Variants in TMPRSS7 observed in about 807,000 individuals in gnomAD.
TMPRSS7 encodes the protein transmembrane serine protease 7, also known as transmembrane protease serine 7.
Under a neutral mutation model 95.6 loss-of-function variants are expected in TMPRSS7, and 81 were observed. The observed-to-expected ratio is 0.85, with a 90% CI of 0.71 to 1.02. The LOEUF (loss-of-function observed/expected upper bound fraction) is 1.02. Among genes scored for constraint, TMPRSS7 ranks in the 50% least tolerant of loss-of-function variants. The pLI is 0.00. For missense variants in TMPRSS7, 945 were observed against 955.2 expected, an observed-to-expected ratio of 0.99 and a Z score of 0.14; for synonymous variants, 364 against 337.8, an observed-to-expected ratio of 1.08 and a Z score of -0.85.
At chr3:112,049,675 A>G (rs1420784588) in intron 7 of TMPRSS7, among the ~76,000 whole-genome samples, 169 bp from the exon 8 acceptor site, 1 of 152,204 alleles carries the variant, frequency 6.6e-6, no homozygotes, top group African/African-American at 2.4e-5. Flanking sequence ...CTGGCTCTGT[A>G]GTGCTCTGTG....
intron 16 of TMPRSS7, among the ~76,000 whole-genome samples, chr3:112,078,348 TG>T (rs1002645058): frequency 3.9e-4 from 59 of 152,226 alleles, no homozygotes; most frequent in Admixed American, 1.3e-3. Context: ...TAGGTTTTTA[TG>T]GTTCATCAGA....
intron 4 of TMPRSS7, among the ~76,000 whole-genome samples, 156 bp downstream of exon 4, chr3:112,044,478 C>T (rs1036217021): frequency 2.0e-5 from 3 of 152,168 alleles, no homozygotes; most frequent in African/African-American, 4.8e-5. Context: ...CAACTCACTG[C>T]CCTTCTTTCT....
At chr3:112,070,850 C>A (rs1576120053) in intron 13 of TMPRSS7, among the ~76,000 whole-genome samples, 2 of 152,194 alleles carry the variant, frequency 1.3e-5, no homozygotes, top group East Asian at 3.8e-4. Context: ...CATATGTATA[C>A]ATGTGCCATG....
intron 2 of TMPRSS7, among the ~76,000 whole-genome samples, chr3:112,040,887 A>G (rs2073199721): frequency 6.6e-6 from 1 of 152,188 alleles, no homozygotes; most frequent in Non-Finnish European, 1.5e-5. Flanking sequence ...GTAAACAGGG[A>G]GACTACGGAG....
intron 3 of TMPRSS7, among the ~76,000 whole-genome samples, chr3:112,042,634 C>T (rs1007241598): frequency 1.3e-5 from 2 of 152,164 alleles, no homozygotes; most frequent in Admixed American, 6.5e-5. Flanking sequence ...AACATTTTCT[C>T]TTAGCATGCT....
chr3:112,078,831 C>G, exon 17 of TMPRSS7: 1 of 1,614,124 alleles, frequency 6.2e-7, no homozygotes, highest in Non-Finnish European at 8.5e-7. Flanking sequence ...CATCACTTCT[C>G]GGATGCTCTG....
At chr3:112,054,786 G>A (rs903372879) in intron 9 of TMPRSS7, among the ~76,000 whole-genome samples, 2 of 112,108 alleles carry the variant, frequency 1.8e-5, no homozygotes, top group Admixed American at 1.4e-4. Flanking sequence ...TGTCGCCCAC[G>A]CTGGAGTGCA....
At chr3:112,076,747 C>A in intron 15 of TMPRSS7, 129 bp from the exon 16 acceptor site, 1 of 1,108,164 alleles carries the variant, frequency 9.0e-7, no homozygotes, top group Non-Finnish European at 1.3e-6. Context: ...CGGACAAAGC[C>A]AGTGACTATA....
intron 13 of TMPRSS7, among the ~76,000 whole-genome samples, chr3:112,068,571 A>G (rs2073604644): frequency 6.6e-6 from 1 of 152,004 alleles, no homozygotes; most frequent in South Asian, 2.1e-4. Flanking sequence ...TAGGTATTTT[A>G]TTCTCTTTGT....
Position 112,038,242 on chromosome 3 carries a change from A to G in TMPRSS7, c.219A>G (p.Val73=), listed in dbSNP as rs982308477. The G allele has an allele frequency of 5.1e-5, 36 of 702,868 alleles. 1 individual carries two copies. In the East Asian group the frequency reaches 9.1e-4, roughly 18 times the overall value. 43.5% of individuals were successfully genotyped at this position (702,868 alleles called of 1,614,324 possible). A position where few individuals can be genotyped will look rare whatever the true frequency, so the allele number is the denominator to read the frequency against. The change falls in exon 2 of 18, where the codon GTA becomes GTG. Residue 73 remains valine, a synonymous_variant. Transcript: ENST00000452346. ...AGAAAAAAGTTCCCTTTTGGAATGTACAAAATAAAATCATTCTCTTCACAG... is the reference window on the plus strand; with the variant it reads ...AGAAAAAAGTTCCCTTTTGGAATGTGCAAAATAAAATCATTCTCTTCACAG...
chr3:112,054,871 G>C (rs976709885), intron 9 of TMPRSS7, among the ~76,000 whole-genome samples: 13 of 150,618 alleles, frequency 8.6e-5, no homozygotes, highest in African/African-American at 2.4e-4. Flanking sequence ...TCCCGAGTAG[G>C]TGGGACTACA....
At chr3:112,068,879 G>A (rs1421029621) in intron 13 of TMPRSS7, among the ~76,000 whole-genome samples, 1 of 152,198 alleles carries the variant, frequency 6.6e-6, no homozygotes, top group Non-Finnish European at 1.5e-5. Context: ...AGTGGTGAGA[G>A]GGCACATCTT....
chr3:112,071,909 C>T (rs748918084), intron 13 of TMPRSS7, among the ~76,000 whole-genome samples: 9 of 152,070 alleles, frequency 5.9e-5, no homozygotes, highest in South Asian at 4.1e-4. Context: ...TTTAGCTCAG[C>T]GAAGTTTGTT....
chr3:112,077,237 A>G (rs928652247), intron 16 of TMPRSS7, 93 bp downstream of exon 16: 34 of 1,421,062 alleles, frequency 2.4e-5, no homozygotes, highest in Non-Finnish European at 3.0e-5. Flanking sequence ...GGGTTTGTGT[A>G]TATGATCTCC....
intron 10 of TMPRSS7, among the ~76,000 whole-genome samples, chr3:112,059,783 A>C (rs1443438799): frequency 2.6e-5 from 4 of 152,266 alleles, no homozygotes; most frequent in South Asian, 4.1e-4. Flanking sequence ...TTCCTGAAAA[A>C]CACATGAATG....
chr3:112,056,928 C>T (rs77742478), intron 9 of TMPRSS7, 97 bp from the exon 10 acceptor site: 94 of 774,874 alleles, frequency 1.2e-4, no homozygotes, highest in Admixed American at 2.9e-4. Context: ...GGCCACAGGG[C>T]GCAAGTAGAA....
intron 15 of TMPRSS7, among the ~76,000 whole-genome samples, chr3:112,076,172 T>C (rs951422940): frequency 6.6e-6 from 1 of 152,210 alleles, no homozygotes; most frequent in Non-Finnish European, 1.5e-5. Flanking sequence ...AGCAAATTAG[T>C]GACCAAAATT....
intron 13 of TMPRSS7, among the ~76,000 whole-genome samples, chr3:112,066,821 C>CT (rs572910213): frequency 9.7e-4 from 148 of 151,976 alleles, no homozygotes; most frequent in Non-Finnish European, 1.9e-3. Context: ...GTTGAAAACA[C>CT]TTTTTTTCTT....
chr3:112,075,409 C>A (rs764666561), exon 15 of TMPRSS7: 33 of 1,552,498 alleles, frequency 2.1e-5, no homozygotes, highest in Non-Finnish European at 2.9e-5. Flanking sequence ...TCAGCCTCCA[C>A]TTTGTTGGAT....
Sources: allele counts gnomAD v4.1 joint callset (sites outside exome capture counted in the v4.1 genomes callset), GRCh38; gene constraint gnomAD v4.1.1; transcripts MANE v1.5; gene names NCBI Gene and HGNC (gene_info 2026-07-23, HGNC 2026-07-21).